Variants in TNRC6A observed in about 807,000 individuals in gnomAD.
The protein encoded by TNRC6A is trinucleotide repeat containing adaptor 6A.
TNRC6A carries 44 observed loss-of-function variants against 221.2 expected under a neutral mutation model. The ratio of observed to expected loss-of-function variants is 0.20; its 90% CI spans 0.16 to 0.26. TNRC6A has a LOEUF of 0.26. Ranked by LOEUF, TNRC6A falls within the 10% of genes least tolerant of loss-of-function variation. The probability of loss-of-function intolerance (pLI) is 1.00; values close to 1 mark genes in which losing one functional copy is unlikely to be tolerated. For missense variants in TNRC6A, 2,199 were observed against 2,404.4 expected, an observed-to-expected ratio of 0.91 and a Z score of 1.79; for synonymous variants, 847 against 838.5, an observed-to-expected ratio of 1.01 and a Z score of -0.18.
chr16:24,723,007 G>C (rs763231906), intron 2 of TNRC6A, among the ~76,000 whole-genome samples: 22 of 152,110 alleles, frequency 1.4e-4, no homozygotes, highest in Non-Finnish European at 2.9e-4. Flanking sequence ...AAAGGGTCAG[G>C]TCCATATAGG....
chr16:24,736,129 C>A (rs116177793), intron 2 of TNRC6A, among the ~76,000 whole-genome samples: 2,565 of 152,330 alleles, frequency 0.017, 73 homozygotes, highest in African/African-American at 0.058. Context: ...TGCGCCATTG[C>A]ACTCCAGCCT....
chr16:24,816,979 T>C, intron 20 of TNRC6A, 23 bp downstream of exon 20: 1 of 1,605,374 alleles, frequency 6.2e-7, no homozygotes, highest in Admixed American at 1.7e-5. Context: ...TGCAAATCAA[T>C]TTCTGAGTGA....
At chr16:24,710,130 C>T (rs2056176468) in intron 2 of TNRC6A, among the ~76,000 whole-genome samples, 1 of 151,420 alleles carries the variant, frequency 6.6e-6, no homozygotes, top group Non-Finnish European at 1.5e-5. Context: ...GAGGCTGACT[C>T]AGGAGAATCC....
chr16:24,797,839 A>AGTAAAATTC, intron 10 of TNRC6A, 76 bp from the exon 11 acceptor site: 1 of 1,299,266 alleles, frequency 7.7e-7, no homozygotes, highest in African/African-American at 1.5e-5. Flanking sequence ...AATGAAACAC[A>AGTAAAATTC]GTAAAATTCT....
At chr16:24,736,927 G>A (rs1432549046) in intron 2 of TNRC6A, among the ~76,000 whole-genome samples, 1 of 152,138 alleles carries the variant, frequency 6.6e-6, no homozygotes, top group African/African-American at 2.4e-5. Context: ...CCCTTACTGT[G>A]GGACATAAAA....
At chr16:24,689,553 C>T (rs1382722055) in intron 2 of TNRC6A, among the ~76,000 whole-genome samples, 1 of 152,192 alleles carries the variant, frequency 6.6e-6, no homozygotes, top group Non-Finnish European at 1.5e-5. Flanking sequence ...CTCATTCATT[C>T]ATTTATTCAT....
intron 1 of TNRC6A, among the ~76,000 whole-genome samples, chr16:24,623,337 T>C (rs1438193812): frequency 6.6e-6 from 1 of 152,124 alleles, no homozygotes; most frequent in Non-Finnish European, 1.5e-5. Flanking sequence ...TAGCTGGGAC[T>C]ACAGGCGCCC....
rs2056565232 is a variant in TNRC6A at position 24,729,682 on chromosome 16, T to TGTCGGC, written c.-158_-153dup. 4.4e-6 allele frequency: 3 copies of TGTCGGC among 677,758 alleles called. No homozygotes were observed. Among genetic ancestry groups the TGTCGGC allele is most frequent in the Non-Finnish European group, 6.0e-6 (3 of 501,676 alleles). 42.0% of individuals were successfully genotyped at this position (677,758 alleles called of 1,614,324 possible). ...GGTCTGGGGCCTGCGGCGGCGGCGG[T>TGTCGGC]GTCGGCGGCGGCGGCGGCGGCGGCG... On this transcript the variant is annotated 5_prime_UTR_variant, in exon 1 of 25. Transcript: ENST00000395799.
intron 2 of TNRC6A, among the ~76,000 whole-genome samples, chr16:24,696,581 A>G (rs2055865589): frequency 6.6e-6 from 1 of 151,056 alleles, no homozygotes; most frequent in Non-Finnish European, 1.5e-5. Context: ...AATTTTAAAA[A>G]TTAGCCACGC....
intron 10 of TNRC6A, 147 bp from the exon 11 acceptor site, chr16:24,797,768 T>A (rs1243205391): frequency 4.4e-6 from 4 of 899,628 alleles, no homozygotes; most frequent in Non-Finnish European, 4.9e-6. Flanking sequence ...TTTAAAACAT[T>A]TTAAAAATTA....
intron 17 of TNRC6A, among the ~76,000 whole-genome samples, chr16:24,807,578 T>C (rs1293351002): frequency 1.3e-5 from 2 of 152,176 alleles, no homozygotes; most frequent in African/African-American, 4.8e-5. Context: ...TGATTACTGA[T>C]ATAAATTTAA....
chr16:24,808,090 G>A (rs2058471034), intron 17 of TNRC6A, among the ~76,000 whole-genome samples: 1 of 152,208 alleles, frequency 6.6e-6, no homozygotes, highest in African/African-American at 2.4e-5. Context: ...GAATACTGAA[G>A]AAGCCATTTA....
intron 4 of TNRC6A, chr16:24,776,571 G>A (rs1221831039): frequency 3.0e-6 from 3 of 985,308 alleles, no homozygotes; most frequent in Admixed American, 1.2e-4. Context: ...TAGGACTACT[G>A]AAAATTGGTT....
At position 24,770,690 on chromosome 16, in the gene TNRC6A, AC is replaced by A. The variant is rs545399071; in HGVS notation, c.164-6240del. 2.1e-3 allele frequency among the ~76,000 whole-genome samples: 327 copies of A among 152,144 alleles called. 2 individuals carry two copies. Among genetic ancestry groups the A allele is most frequent in the African/African-American group, 7.5e-3 (312 of 41,478 alleles). On this transcript the variant is annotated intron_variant, in intron 4 of 24. Transcript: ENST00000395799. ...TTCCCTCCTTCTATCTGCTGCTTAA[AC>A]CCATTCTTAGGTTTTGTCATTTCTT...
chr16:24,756,171 T>G (rs2057245876), intron 3 of TNRC6A, among the ~76,000 whole-genome samples: 1 of 152,206 alleles, frequency 6.6e-6, no homozygotes, highest in Admixed American at 6.5e-5. Flanking sequence ...CATCTTGTGT[T>G]CTTTTAAAAA....
chr16:24,822,008 C>A, intron 22 of TNRC6A, 69 bp from the exon 23 acceptor site: 2 of 1,455,564 alleles, frequency 1.4e-6, no homozygotes, highest in South Asian at 1.1e-5. Context: ...GCCAGGTGAT[C>A]TGCTAAGTAA....
chr16:24,650,327 A>G (rs1266715807), intron 2 of TNRC6A, among the ~76,000 whole-genome samples: 1 of 152,220 alleles, frequency 6.6e-6, no homozygotes, highest in African/African-American at 2.4e-5. Context: ...TGTCTGGATA[A>G]AACATTCAGG....
At chr16:24,702,926 T>G (rs181298062) in intron 2 of TNRC6A, among the ~76,000 whole-genome samples, 42 of 151,854 alleles carry the variant, frequency 2.8e-4, no homozygotes, top group Non-Finnish European at 4.4e-4. Flanking sequence ...TCCCAGCTAC[T>G]CAGGAGGCTG....
chr16:24,644,038 C>T (rs1292728998), intron 2 of TNRC6A, among the ~76,000 whole-genome samples: 1 of 149,322 alleles, frequency 6.7e-6, no homozygotes, highest in African/African-American at 2.5e-5. Flanking sequence ...GCAGGCAATT[C>T]TAGATCATCG....
Sources: gnomAD v4.1 joint callset for allele counts (sites outside exome capture counted in the v4.1 genomes callset) on GRCh38, gnomAD v4.1.1 for gene constraint, MANE v1.5 for transcripts, NCBI Gene and HGNC (gene_info 2026-07-23, HGNC 2026-07-21) for gene names.